CFAP77: variants seen among roughly 807,000 people sequenced by gnomAD.
CFAP77 encodes cilia and flagella associated protein 77.
In CFAP77, 25 loss-of-function variants were observed where a neutral mutation model predicts 31.1. The ratio of observed to expected loss-of-function variants is 0.80; its 90% CI spans 0.59 to 1.12. The LOEUF (loss-of-function observed/expected upper bound fraction) is 1.12. Ranked by LOEUF, CFAP77 falls within the 50% of genes most tolerant of loss-of-function variation. The pLI is 0.00. For synonymous variants in CFAP77, 151 were observed against 159.9 expected (o/e 0.94, Z 0.42); for missense variants, 377 against 397.3 (o/e 0.95, Z 0.44).
At position 132,511,674 on chromosome 9, in the gene CFAP77, C is replaced by T. The variant is rs1463252944; in HGVS notation, c.524+12074C>T. ...GGCACGACTCTTGCAGGGCACTGAGCTTCAGCTACAGGAGCTGTTGAAAAT... is the reference window on the plus strand; with the variant it reads ...GGCACGACTCTTGCAGGGCACTGAGTTTCAGCTACAGGAGCTGTTGAAAAT... On this transcript the variant is annotated intron_variant, in intron 3 of 5. Transcript: ENST00000393216. This position sits in a 1 kb window ranked among gnomAD's most constrained non-coding sequence, Gnocchi z 5.8. Among the ~76,000 whole-genome samples the T allele has an allele frequency of 6.6e-6, 1 of 152,252 alleles. No individual in the cohort carries two copies. The highest frequency in any genetic ancestry group is 6.5e-5 in the Admixed American group (1 of 15,290).
intron 1 of CFAP77, among the ~76,000 whole-genome samples, chr9:132,461,623 G>C (rs1365828462): frequency 1.3e-5 from 2 of 152,160 alleles, no homozygotes; most frequent in East Asian, 3.9e-4. Flanking sequence ...TTATTCTACC[G>C]GGACGGCCAA....
intron 1 of CFAP77, among the ~76,000 whole-genome samples, chr9:132,469,018 A>G (rs185760648): frequency 9.2e-5 from 14 of 151,972 alleles, no homozygotes; most frequent in African/African-American, 2.9e-4. Context: ...TCCAGTAGGT[A>G]TGAATTCACT....
intron 1 of CFAP77, among the ~76,000 whole-genome samples, chr9:132,413,424 A>G (rs62576557): frequency 0.016 from 2,449 of 152,348 alleles, 23 homozygotes; most frequent in Non-Finnish European, 0.024. Context: ...TGGCCACAAA[A>G]GATGTAAATA....
intron 5 of CFAP77, among the ~76,000 whole-genome samples, chr9:132,571,130 C>T (rs1422399532): frequency 6.6e-6 from 1 of 152,130 alleles, no homozygotes; most frequent in African/African-American, 2.4e-5. Flanking sequence ...CCGGGGTGGT[C>T]AACCCTGGCC....
chr9:132,541,727 CA>C (rs528660432), intron 4 of CFAP77, among the ~76,000 whole-genome samples: 27 of 152,042 alleles, frequency 1.8e-4, no homozygotes, highest in Non-Finnish European at 3.4e-4. Context: ...ACAAAAAACA[CA>C]AAAAAACGGG....
At chr9:132,464,330 T>G (rs1851114506) in intron 1 of CFAP77, among the ~76,000 whole-genome samples, 1 of 151,862 alleles carries the variant, frequency 6.6e-6, no homozygotes, top group Non-Finnish European at 1.5e-5. Flanking sequence ...GGATACCAAG[T>G]CTTGGAGAGG....
chr9:132,418,797 C>G (rs559158934), intron 1 of CFAP77, among the ~76,000 whole-genome samples: 1 of 152,240 alleles, frequency 6.6e-6, no homozygotes, highest in African/African-American at 2.4e-5. Flanking sequence ...CTTTGTTTCC[C>G]TGGTGCACCA....
chr9:132,473,954 G>A lies in CFAP77; in HGVS notation c.196-24741G>A, dbSNP rs566807718. 5.3e-5 allele frequency among the ~76,000 whole-genome samples: 8 copies of A among 152,184 alleles called. No individual in the cohort carries two copies. In the East Asian group the frequency reaches 1.5e-3, roughly 29 times the overall value. ...TGCCTCGGCCTCCCAAAGTGCTGGG[G>A]TTACAGGCGTGAGCCACCGCGCCTG... On this transcript the variant is annotated intron_variant, in intron 1 of 5. Transcript: ENST00000393216.
intron 1 of CFAP77, among the ~76,000 whole-genome samples, chr9:132,425,053 A>C (rs376427649): frequency 6.6e-5 from 10 of 152,286 alleles, no homozygotes; most frequent in African/African-American, 2.4e-4. Context: ...GGGAGGGATT[A>C]ATTTCTTTAA....
intron 3 of CFAP77, among the ~76,000 whole-genome samples, chr9:132,533,748 G>A (rs928614071): frequency 2.0e-5 from 3 of 152,166 alleles, no homozygotes; most frequent in South Asian, 4.1e-4. Flanking sequence ...GGGCATGGTG[G>A]TGGGCGCCTG....
intron 1 of CFAP77, among the ~76,000 whole-genome samples, chr9:132,439,436 T>G (rs1850575419): frequency 3.3e-5 from 5 of 152,028 alleles, no homozygotes; most frequent in Admixed American, 3.3e-4. Flanking sequence ...GTCTGGTCAC[T>G]CCCCGCTCTG....
At chr9:132,556,939 G>A (rs1170900424) in intron 5 of CFAP77, among the ~76,000 whole-genome samples, 2 of 152,300 alleles carry the variant, frequency 1.3e-5, no homozygotes, top group South Asian at 4.1e-4. Context: ...CCTTCGCCAC[G>A]CCAGGCCCGG....
chr9:132,424,491 A>G lies in CFAP77; in HGVS notation c.195+14025A>G, dbSNP rs776530020. Among the ~76,000 whole-genome samples, 64 of 152,076 alleles carry G rather than the reference A, an allele frequency of 4.2e-4. No individual in the cohort carries two copies. The highest frequency in any genetic ancestry group is 2.2e-4 in the Non-Finnish European group (15 of 68,002). The stretch of plus-strand genomic sequence containing the variant: ...GTGGAATTGCTGGAGGGCTGAGAAG[A>G]GGAGGGACAGGTGTAGACAATGGCT... On this transcript the variant is annotated intron_variant, in intron 1 of 5. Transcript: ENST00000393216. The surrounding 1 kb of genome is among the most constrained non-coding windows in gnomAD (Gnocchi z 4.1).
intron 1 of CFAP77, among the ~76,000 whole-genome samples, chr9:132,479,719 T>C (rs1851414997): frequency 6.6e-6 from 1 of 152,184 alleles, no homozygotes; most frequent in African/African-American, 2.4e-5. Flanking sequence ...GGGACAGATG[T>C]TGCTGATGGA....
intron 3 of CFAP77, among the ~76,000 whole-genome samples, chr9:132,534,610 C>CAAA (rs201151199): frequency 1.3e-3 from 82 of 64,060 alleles, no homozygotes; most frequent in African/African-American, 3.6e-3. Context: ...GACTCTGTCT[C>CAAA]AAAAAAAAAA....
Position 132,462,495 on chromosome 9 carries a change from C to T in CFAP77, c.196-36200C>T, listed in dbSNP as rs566243427. ...CTTCTGTGCCCCCACTCCAACAGCA[C>T]CTCCAGCAATGGCCATTTCTATCAT... On this transcript the variant is annotated intron_variant, in intron 1 of 5. Coordinates refer to ENST00000393216, the MANE Select transcript of CFAP77 (RefSeq NM_001282957.2). 9.3e-4 allele frequency among the ~76,000 whole-genome samples: 142 copies of T among 152,238 alleles called. 1 individual carries two copies. Among genetic ancestry groups the T allele is most frequent in the African/African-American group, 3.4e-3 (140 of 41,530 alleles).
intron 1 of CFAP77, among the ~76,000 whole-genome samples, chr9:132,429,494 C>T (rs1277175577): frequency 7.0e-6 from 1 of 142,802 alleles, no homozygotes; most frequent in African/African-American, 2.6e-5. Flanking sequence ...GCCAAGATCG[C>T]ACCACCGCAC....
At chr9:132,472,421 A>G (rs186406913) in intron 1 of CFAP77, among the ~76,000 whole-genome samples, 3 of 152,322 alleles carry the variant, frequency 2.0e-5, no homozygotes, top group Admixed American at 2.0e-4. Flanking sequence ...TAGCACAGTG[A>G]TAAGTGTGCT....
chr9:132,501,308 T>TTTTTCTCTAAACA lies in CFAP77; in HGVS notation c.524+1709_524+1721dup, dbSNP rs1851835139. Among the ~76,000 whole-genome samples the TTTTTCTCTAAACA allele has an allele frequency of 6.6e-6, 1 of 152,162 alleles. No individual in the cohort carries two copies. The highest frequency in any genetic ancestry group is 2.4e-5 in the African/African-American group (1 of 41,436). The stretch of plus-strand genomic sequence containing the variant: ...AATGGCCAGCAGCAGTTCTATTCTG[T>TTTTTCTCTAAACA]TTTTCTCTAAACAGCCCAGTGCAAA... On this transcript the variant is annotated intron_variant, in intron 3 of 5. Transcript: ENST00000393216. This position sits in a 1 kb window ranked among gnomAD's most constrained non-coding sequence, Gnocchi z 4.6.
Sources: gnomAD v4.1 joint callset for allele counts (sites outside exome capture counted in the v4.1 genomes callset) on GRCh38, gnomAD v4.1.1 for gene constraint, Gnocchi (gnomAD v3.1) non-coding constraint, MANE v1.5 for transcripts, NCBI Gene and HGNC (gene_info 2026-07-23, HGNC 2026-07-21) for gene names.